The following FNIP1 variants were observed in gnomAD, a reference collection of about 807,000 sequenced individuals.
The protein encoded by FNIP1 is folliculin interacting protein 1, also known as folliculin-interacting protein 1.
In FNIP1, 40 loss-of-function variants were observed where a neutral mutation model predicts 124.5. The ratio of observed to expected loss-of-function variants is 0.32; its 90% CI spans 0.25 to 0.42. The LOEUF is 0.42. FNIP1 is among the 10% of genes least tolerant of loss of function. The pLI is 1.00. For missense variants in FNIP1, 1,176 were observed against 1,403.7 expected, an observed-to-expected ratio of 0.84 and a Z score of 2.59; for synonymous variants, 472 against 470.6, an observed-to-expected ratio of 1.00 and a Z score of -0.04.
intron 1 of FNIP1, among the ~76,000 whole-genome samples, chr5:131,791,615 T>C (rs1035005586): frequency 3.9e-5 from 6 of 152,170 alleles, no homozygotes; most frequent in Non-Finnish European, 7.4e-5. Context: ...ACCATAAGAC[T>C]GGAAAAGCCA....
intron 1 of FNIP1, among the ~76,000 whole-genome samples, chr5:131,757,610 AG>A (rs1771090380): frequency 6.6e-6 from 1 of 151,776 alleles, no homozygotes; most frequent in Non-Finnish European, 1.5e-5. Flanking sequence ...GAAGGGCAAA[AG>A]GAAGAATTAC....
At chr5:131,796,792 G>A (rs1772621849) in intron 1 of FNIP1, 38 bp downstream of exon 1, 2 of 1,538,584 alleles carry the variant, frequency 1.3e-6, no homozygotes, top group East Asian at 2.4e-5. Context: ...AGCCCACAAG[G>A]CCATCGGCTC....
At chr5:131,770,301 T>C (rs976135371) in intron 1 of FNIP1, among the ~76,000 whole-genome samples, 4 of 152,220 alleles carry the variant, frequency 2.6e-5, no homozygotes, top group African/African-American at 9.6e-5. Context: ...AATACTGCCT[T>C]TTAATTTATA....
intron 1 of FNIP1, among the ~76,000 whole-genome samples, chr5:131,772,796 C>G (rs1771684540): frequency 6.6e-6 from 1 of 152,312 alleles, no homozygotes; most frequent in Admixed American, 6.5e-5. Flanking sequence ...CCTCTCTAAC[C>G]TGTAATAACT....
chr5:131,699,050 A>G, intron 10 of FNIP1, 48 bp from the exon 11 acceptor site: 2 of 1,491,490 alleles, frequency 1.3e-6, no homozygotes, highest in Non-Finnish European at 1.8e-6. Flanking sequence ...AATCATGAGC[A>G]AAACATGGAA....
intron 10 of FNIP1, 22 bp downstream of exon 10, chr5:131,704,043 A>G: frequency 6.5e-7 from 1 of 1,536,158 alleles, no homozygotes; most frequent in Non-Finnish European, 8.9e-7. Flanking sequence ...AGGAAAATAC[A>G]TAAATAAATA....
At chr5:131,719,275 T>C (rs1358733436) in intron 4 of FNIP1, 42 bp downstream of exon 4, 2 of 1,559,276 alleles carry the variant, frequency 1.3e-6, no homozygotes, top group African/African-American at 1.4e-5. Flanking sequence ...CGAAAATATC[T>C]AAAAATGGGA....
intron 10 of FNIP1, among the ~76,000 whole-genome samples, chr5:131,699,434 C>A (rs1259898653): frequency 6.7e-6 from 1 of 148,436 alleles, no homozygotes; most frequent in East Asian, 2.0e-4. Context: ...CACTCTGTCA[C>A]CTAGGCTGGA....
chr5:131,756,408 T>A (rs1400263212), intron 1 of FNIP1, among the ~76,000 whole-genome samples: 2 of 152,142 alleles, frequency 1.3e-5, no homozygotes, highest in South Asian at 2.1e-4. Context: ...GCCCTTTTTT[T>A]AAAAAAAGGA....
intron 3 of FNIP1, among the ~76,000 whole-genome samples, chr5:131,723,120 A>AGG (rs1769731252): frequency 6.6e-6 from 1 of 152,244 alleles, no homozygotes; most frequent in Non-Finnish European, 1.5e-5. Context: ...TACTGAGAAC[A>AGG]ACATTTCAGA....
At chr5:131,730,475 A>G (rs1770043302) in intron 3 of FNIP1, among the ~76,000 whole-genome samples, 1 of 152,234 alleles carries the variant, frequency 6.6e-6, no homozygotes, top group African/African-American at 2.4e-5. Flanking sequence ...CCTATGTATT[A>G]TACTTACTAA....
At chr5:131,650,400 A>G (rs1469749363) in intron 16 of FNIP1, among the ~76,000 whole-genome samples, 1 of 152,102 alleles carries the variant, frequency 6.6e-6, no homozygotes, top group African/African-American at 2.4e-5. Flanking sequence ...TTGTTTTCTT[A>G]ATTTTCTTTT....
At chr5:131,670,060 A>G (rs1490031188) in intron 15 of FNIP1, among the ~76,000 whole-genome samples, 1 of 152,200 alleles carries the variant, frequency 6.6e-6, no homozygotes, top group African/African-American at 2.4e-5. Context: ...GAATAGACTA[A>G]TAAGAGTTTC....
At chr5:131,713,933 T>C (rs1305956795) in intron 6 of FNIP1, among the ~76,000 whole-genome samples, 11 of 152,244 alleles carry the variant, frequency 7.2e-5, no homozygotes. Flanking sequence ...CCATTCCTAC[T>C]GCAGTTAGAA....
chr5:131,740,633 T>C (rs765188723), intron 2 of FNIP1, among the ~76,000 whole-genome samples: 2 of 152,198 alleles, frequency 1.3e-5, no homozygotes, highest in Non-Finnish European at 2.9e-5. Flanking sequence ...ATCGAAACCA[T>C]ATCTCAATAT....
chr5:131,756,655 A>C (rs1771061265), intron 1 of FNIP1, among the ~76,000 whole-genome samples: 1 of 152,210 alleles, frequency 6.6e-6, no homozygotes, highest in Non-Finnish European at 1.5e-5. Flanking sequence ...CCACAGGTGA[A>C]AATTACTGCA....
chr5:131,773,177 CA>C (rs1187768184), intron 1 of FNIP1, among the ~76,000 whole-genome samples: 1 of 152,186 alleles, frequency 6.6e-6, no homozygotes, highest in African/African-American at 2.4e-5. Context: ...CCTCTTCTAA[CA>C]GAAGTAATCT....
At chr5:131,668,638 T>C (rs1348312480) in intron 15 of FNIP1, among the ~76,000 whole-genome samples, 2 of 152,342 alleles carry the variant, frequency 1.3e-5, no homozygotes, top group East Asian at 3.9e-4. Context: ...TAAGCTGAGA[T>C]GGCACCACTG....
chr5:131,753,411 C>G (rs1236636030), intron 1 of FNIP1, among the ~76,000 whole-genome samples: 2 of 152,152 alleles, frequency 1.3e-5, no homozygotes, highest in Non-Finnish European at 2.9e-5. Flanking sequence ...TGAAATACTA[C>G]TCAGAAATAC....
Sources: gnomAD v4.1 joint callset for allele counts (sites outside exome capture counted in the v4.1 genomes callset) on GRCh38, gnomAD v4.1.1 for gene constraint, MANE v1.5 for transcripts, NCBI Gene and HGNC (gene_info 2026-07-23, HGNC 2026-07-21) for gene names.